FRMPD4: variants seen among roughly 807,000 people sequenced by gnomAD.
FRMPD4 encodes FERM and PDZ domain containing 4.
Under a neutral mutation model 94.1 loss-of-function variants are expected in FRMPD4, and 22 were observed. The ratio of observed to expected loss-of-function variants is 0.23; its 90% CI spans 0.17 to 0.33. FRMPD4 has a LOEUF of 0.33. FRMPD4 is among the 10% of genes least tolerant of loss of function. The pLI is 1.00. For synonymous variants in FRMPD4, 631 were observed against 548.6 expected, an observed-to-expected ratio of 1.15 and a Z score of -2.10; for missense variants, 1,111 against 1,339.9, an observed-to-expected ratio of 0.83 and a Z score of 2.67.
At chrX:11,909,341 A>G (rs1048400982) in intron 3 of FRMPD4, among the ~76,000 whole-genome samples, 15 of 112,213 alleles carry the variant, frequency 1.3e-4, no homozygotes, top group Non-Finnish European at 2.4e-4. Context: ...TTGTTGTAAC[A>G]TTGGTCATAA....
intron 3 of FRMPD4, among the ~76,000 whole-genome samples, chrX:12,034,638 C>A (rs966612925): frequency 1.1e-4 from 12 of 111,870 alleles, no homozygotes; most frequent in African/African-American, 3.9e-4. Flanking sequence ...CTAGACCATT[C>A]GTTTCCAGTC....
intron 1 of FRMPD4, among the ~76,000 whole-genome samples, chrX:11,835,886 G>T (rs539790541): frequency 1.8e-5 from 2 of 111,915 alleles, no homozygotes; most frequent in South Asian, 3.7e-4. Context: ...AGCTATCATA[G>T]GTTGTTTTGC....
intron 1 of FRMPD4, among the ~76,000 whole-genome samples, chrX:12,254,225 A>G (rs1374358026): frequency 8.9e-6 from 1 of 111,987 alleles, no homozygotes; most frequent in African/African-American, 3.2e-5. Flanking sequence ...AGTTAAGGCT[A>G]GCCAGAATGC....
rs112912920 is a variant in FRMPD4, at chrX:11,905,139, G to A, written c.95+27121G>A. The stretch of plus-strand genomic sequence containing the variant: ...AAATTAGGTGGCCATGTGACTTTTA[G>A]CCAATGAGACATATGGGCAAGACTG... On this transcript the variant is annotated intron_variant, in intron 3 of 18. Coordinates refer to the FRMPD4 transcript ENST00000640291. Among the ~76,000 whole-genome samples the A allele has an allele frequency of 9.9e-3, 1,114 of 112,146 alleles. 19 individuals are homozygous for A. The highest frequency in any genetic ancestry group is 0.034 in the African/African-American group (1,062 of 30,787).
chrX:11,865,692 C>G (rs2053714495), intron 2 of FRMPD4, among the ~76,000 whole-genome samples: 3 of 111,800 alleles, frequency 2.7e-5, no homozygotes, highest in Admixed American at 9.5e-5. Flanking sequence ...TTGTCTCTCT[C>G]CAAAGTTAGT....
At chrX:12,503,783 T>C (rs1269018492) in intron 2 of FRMPD4, among the ~76,000 whole-genome samples, 1 of 112,043 alleles carries the variant, frequency 8.9e-6, no homozygotes, top group African/African-American at 3.2e-5. Flanking sequence ...TAATAGGTTA[T>C]CTTCAGATAT....
At chrX:12,299,660 G>A (rs147555045) in intron 1 of FRMPD4, among the ~76,000 whole-genome samples, 128 of 111,051 alleles carry the variant, frequency 1.2e-3, no homozygotes, top group African/African-American at 3.9e-3. Flanking sequence ...ATTAGGATTA[G>A]TCATTTCAGT....
chrX:12,014,631 T>C (rs1424675626), intron 3 of FRMPD4, among the ~76,000 whole-genome samples: 1 of 111,391 alleles, frequency 9.0e-6, no homozygotes, highest in African/African-American at 3.3e-5. Flanking sequence ...TTTTTGTGCT[T>C]CAAAGAGGAA....
intron 1 of FRMPD4, among the ~76,000 whole-genome samples, chrX:12,406,531 A>G (rs749192063): frequency 3.1e-4 from 34 of 111,456 alleles, no homozygotes; most frequent in Admixed American, 8.5e-4. Context: ...CCCTCCAACC[A>G]CTCTGGGTAG....
chrX:12,109,701 G>T lies in FRMPD4; in HGVS notation c.95+231683G>T, dbSNP rs1261273850. On this transcript the variant is annotated intron_variant, in intron 3 of 18. Transcript: ENST00000640291. Reference sequence around the variant, plus strand: ...GCAAGACTAATAAGAAAAGAGGGGAGAATCAAATAGACGCAATAAAAAATG... The same window carrying T: ...GCAAGACTAATAAGAAAAGAGGGGATAATCAAATAGACGCAATAAAAAATG... Among the ~76,000 whole-genome samples, 7 of 111,119 alleles carry T rather than the reference G, an allele frequency of 6.3e-5. No individual in the cohort carries two copies. In the East Asian group the frequency reaches 1.7e-3, roughly 27 times the overall value.
intron 1 of FRMPD4, among the ~76,000 whole-genome samples, chrX:12,246,740 G>A (rs1427142231): frequency 9.0e-6 from 1 of 110,554 alleles, no homozygotes; most frequent in East Asian, 2.8e-4. Context: ...TCCTGAACCA[G>A]TGTAGCATTT....
intron 3 of FRMPD4, among the ~76,000 whole-genome samples, chrX:12,049,366 T>C (rs2054803617): frequency 8.9e-6 from 1 of 112,145 alleles, no homozygotes; most frequent in South Asian, 3.7e-4. Context: ...AAGTCGTTTA[T>C]CAGTTCTCCA....
intron 3 of FRMPD4, among the ~76,000 whole-genome samples, chrX:12,103,846 T>C (rs1007826036): frequency 1.8e-5 from 2 of 112,322 alleles, no homozygotes; most frequent in African/African-American, 6.5e-5. Flanking sequence ...AAGATGTTGC[T>C]AATATATTCC....
At chrX:12,631,683 A>G (rs1246705202) in intron 4 of FRMPD4, among the ~76,000 whole-genome samples, 1 of 111,523 alleles carries the variant, frequency 9.0e-6, no homozygotes. Flanking sequence ...AAGCAGGTTC[A>G]TTGCTCATTT....
At chrX:12,371,117 C>A (rs2056156744) in intron 1 of FRMPD4, among the ~76,000 whole-genome samples, 1 of 112,684 alleles carries the variant, frequency 8.9e-6, no homozygotes, top group African/African-American at 3.2e-5. Context: ...TAGCTATCTT[C>A]AGCCTAGGTT....
intron 3 of FRMPD4, among the ~76,000 whole-genome samples, chrX:12,096,096 T>C (rs751288689): frequency 3.5e-5 from 4 of 112,680 alleles, no homozygotes; most frequent in Non-Finnish European, 7.5e-5. Context: ...TTGTTCCTGA[T>C]GGCTCAATTA....
intron 1 of FRMPD4, 108 bp downstream of exon 1, chrX:12,139,120 G>T (rs2055649677): frequency 1.6e-6 from 1 of 613,047 alleles, no homozygotes; most frequent in East Asian, 3.9e-5. Context: ...AGCGCGACGG[G>T]GCTTAAGACA....
intron 1 of FRMPD4, among the ~76,000 whole-genome samples, chrX:12,156,031 G>A (rs763125505): frequency 2.4e-4 from 27 of 111,821 alleles, no homozygotes; most frequent in Admixed American, 2.4e-3. Context: ...GCCAACCTCT[G>A]TTTAAGAGTC....
chrX:12,205,198 T>G (rs994590183), intron 1 of FRMPD4, among the ~76,000 whole-genome samples: 2 of 110,127 alleles, frequency 1.8e-5, no homozygotes, highest in East Asian at 2.9e-4. Flanking sequence ...CTAGGCAGAC[T>G]AAATCATCCA....
Sources: gnomAD v4.1 joint callset for allele counts (sites outside exome capture counted in the v4.1 genomes callset) on GRCh38, gnomAD v4.1.1 for gene constraint, MANE v1.5 for transcripts, NCBI Gene and HGNC (gene_info 2026-07-23, HGNC 2026-07-21) for gene names.